PRTFDC1: variants seen among roughly 807,000 people sequenced by gnomAD.
PRTFDC1 encodes phosphoribosyltransferase domain-containing protein 1.
In PRTFDC1, 38 loss-of-function variants were observed where a neutral mutation model predicts 34.6. The ratio of observed to expected loss-of-function variants is 1.10; its 90% CI spans 0.85 to 1.44. The LOEUF (loss-of-function observed/expected upper bound fraction) is 1.44, where lower values mean the gene tolerates loss of function less well. Among genes scored for constraint, PRTFDC1 ranks in the 40% most tolerant of loss-of-function variants. PRTFDC1 has a pLI of 0.00. For synonymous variants in PRTFDC1, 93 were observed against 98.1 expected (o/e 0.95, Z 0.31); for missense variants, 270 against 283.0 (o/e 0.95, Z 0.33).
intron 4 of PRTFDC1, among the ~76,000 whole-genome samples, chr10:24,864,013 C>CAA (rs71399939): frequency 0.13 from 13,415 of 105,838 alleles, 795 homozygotes; most frequent in South Asian, 0.23. Flanking sequence ...CAACTCGTCT[C>CAA]AAAAAAAAAA....
intron 4 of PRTFDC1, among the ~76,000 whole-genome samples, chr10:24,871,646 G>GAA (rs61544719): frequency 1.4e-3 from 184 of 131,228 alleles, no homozygotes; most frequent in South Asian, 2.1e-3. Flanking sequence ...GAGGATGGAT[G>GAA]AAAAAAAAAA....
Position 24,849,621 on chromosome 10 carries a change from T to C in PRTFDC1, c.*223A>G, listed in dbSNP as rs1001195445. The C allele has an allele frequency of 2.0e-6, 1 of 492,602 alleles. No individual in the cohort carries two copies. Among genetic ancestry groups the C allele is most frequent in the African/African-American group, 1.9e-5 (1 of 51,730 alleles). The allele number at this position is 492,602 out of a possible 1,614,324, so 30.5% of individuals were successfully genotyped here. ...ATTGCTGAGTCACAAGGCGGAGTGT[T>C]TAATTTGGAACAAGTCAAATAAAAG... On this transcript the variant is annotated 3_prime_UTR_variant, in exon 9 of 9. Coordinates refer to ENST00000320152, the MANE Select transcript of PRTFDC1 (RefSeq NM_020200.7).
At chr10:24,906,360 G>A (rs1472260717) in intron 3 of PRTFDC1, among the ~76,000 whole-genome samples, 3 of 152,072 alleles carry the variant, frequency 2.0e-5, no homozygotes, top group Non-Finnish European at 2.9e-5. Flanking sequence ...TACTCTCTGA[G>A]GTCAAGATAC....
intron 3 of PRTFDC1, among the ~76,000 whole-genome samples, chr10:24,905,379 T>C (rs1026158187): frequency 8.4e-5 from 12 of 142,534 alleles, no homozygotes; most frequent in African/African-American, 3.2e-4. Flanking sequence ...TGGAGTGCAG[T>C]GACACGATCT....
At chr10:24,944,730 C>T (rs1264961613) in intron 1 of PRTFDC1, among the ~76,000 whole-genome samples, 1 of 152,188 alleles carries the variant, frequency 6.6e-6, no homozygotes, top group Non-Finnish European at 1.5e-5. Context: ...CTGCAGTGAG[C>T]TATGACTGTG....
chr10:24,851,725 C>T (rs1459166342), intron 7 of PRTFDC1, among the ~76,000 whole-genome samples: 1 of 151,700 alleles, frequency 6.6e-6, no homozygotes, highest in Non-Finnish European at 1.5e-5. Context: ...AGAAAGGGCT[C>T]AGGAAGCCTG....
chr10:24,896,624 A>G (rs1038160784), intron 3 of PRTFDC1, among the ~76,000 whole-genome samples: 1 of 152,242 alleles, frequency 6.6e-6, no homozygotes, highest in Non-Finnish European at 1.5e-5. Flanking sequence ...ATTTGGAGGC[A>G]CTTCAGAGGA....
chr10:24,900,327 A>G (rs1848428329), intron 3 of PRTFDC1, among the ~76,000 whole-genome samples: 1 of 152,234 alleles, frequency 6.6e-6, no homozygotes, highest in Non-Finnish European at 1.5e-5. Context: ...CTGGGTGTGT[A>G]GCTTACGCAC....
chr10:24,937,403 T>G, intron 2 of PRTFDC1, 36 bp from the exon 3 acceptor site: 1 of 1,542,934 alleles, frequency 6.5e-7, no homozygotes, highest in African/African-American at 1.4e-5. Context: ...AAGGCACAAC[T>G]ACTTCTGAGT....
At chr10:24,850,997 G>A (rs547091775) in intron 8 of PRTFDC1, among the ~76,000 whole-genome samples, 2 of 152,322 alleles carry the variant, frequency 1.3e-5, no homozygotes, top group South Asian at 4.1e-4. Flanking sequence ...AAAGAGGGAA[G>A]AGTTATGAGC....
chr10:24,909,895 A>G (rs905762135), intron 3 of PRTFDC1, among the ~76,000 whole-genome samples: 11 of 152,134 alleles, frequency 7.2e-5, no homozygotes, highest in Admixed American at 2.0e-4. Context: ...TCATGCCTAT[A>G]ATCCCAGCAC....
intron 3 of PRTFDC1, among the ~76,000 whole-genome samples, chr10:24,928,763 C>T (rs994152444): frequency 4.4e-4 from 67 of 151,460 alleles, no homozygotes; most frequent in Admixed American, 1.2e-3. Context: ...TTCGGCTGAG[C>T]GCAGTGGCTC....
chr10:24,923,211 G>C (rs948068400), intron 3 of PRTFDC1, among the ~76,000 whole-genome samples: 4 of 152,226 alleles, frequency 2.6e-5, no homozygotes, highest in African/African-American at 9.6e-5. Context: ...CTCCACCTCT[G>C]TGGGCAGGGT....
At chr10:24,940,381 A>G (rs1849136184) in intron 2 of PRTFDC1, among the ~76,000 whole-genome samples, 1 of 152,240 alleles carries the variant, frequency 6.6e-6, no homozygotes, top group Non-Finnish European at 1.5e-5. Context: ...TTCAATAAGA[A>G]GATGAACAAT....
At chr10:24,945,354 C>T (rs1419885798) in intron 1 of PRTFDC1, among the ~76,000 whole-genome samples, 2 of 152,216 alleles carry the variant, frequency 1.3e-5, no homozygotes, top group Non-Finnish European at 2.9e-5. Flanking sequence ...AACCTGAATT[C>T]TCAGTTTGTC....
At chr10:24,939,320 A>G (rs912682563) in intron 2 of PRTFDC1, among the ~76,000 whole-genome samples, 3 of 143,864 alleles carry the variant, frequency 2.1e-5, no homozygotes, top group Admixed American at 1.4e-4. Flanking sequence ...AAAAAAAAAA[A>G]GTAGAATTTC....
At chr10:24,947,358 G>A (rs1849266150) in intron 1 of PRTFDC1, among the ~76,000 whole-genome samples, 2 of 152,122 alleles carry the variant, frequency 1.3e-5, no homozygotes, top group African/African-American at 4.8e-5. Context: ...CAGGAATGGA[G>A]GTTGCTATGA....
chr10:24,926,304 T>G (rs1848873067), intron 3 of PRTFDC1, among the ~76,000 whole-genome samples: 1 of 152,242 alleles, frequency 6.6e-6, no homozygotes, highest in Non-Finnish European at 1.5e-5. Flanking sequence ...TTATGTTTTA[T>G]TAGCAGTGGT....
intron 4 of PRTFDC1, among the ~76,000 whole-genome samples, chr10:24,860,484 A>C (rs572865945): frequency 6.6e-6 from 1 of 152,322 alleles, no homozygotes; most frequent in African/African-American, 2.4e-5. Context: ...CAACCACCAA[A>C]CCAGCCGACC....
Sources: gnomAD v4.1 joint callset for allele counts (sites outside exome capture counted in the v4.1 genomes callset) on GRCh38, gnomAD v4.1.1 for gene constraint, MANE v1.5 for transcripts, NCBI Gene and HGNC (gene_info 2026-07-23, HGNC 2026-07-21) for gene names.